HIGD1A: variants seen among roughly 807,000 people sequenced by gnomAD.
The protein encoded by HIGD1A is HIG1 hypoxia inducible domain family member 1A.
Under a neutral mutation model 11.3 loss-of-function variants are expected in HIGD1A, and 8 were observed. That is an observed-to-expected ratio of 0.71 (90% CI 0.42 to 1.28). The LOEUF is 1.28. Among genes scored for constraint, HIGD1A ranks in the 50% most tolerant of loss-of-function variants. The pLI is 0.01. For missense variants in HIGD1A, 107 were observed against 118.8 expected, an observed-to-expected ratio of 0.90 and a Z score of 0.46; for synonymous variants, 32 against 38.4, an observed-to-expected ratio of 0.83 and a Z score of 0.62.
chr3:42,801,559 ATT>A (rs896940333), intron 1 of HIGD1A, among the ~76,000 whole-genome samples: 6 of 152,334 alleles, frequency 3.9e-5, no homozygotes, highest in African/African-American at 1.2e-4. Flanking sequence ...AACTGAAAGC[ATT>A]CTTAGGTTAT....
intron 2 of HIGD1A, among the ~76,000 whole-genome samples, chr3:42,791,472 T>C (rs1306536552): frequency 2.6e-5 from 4 of 152,116 alleles, no homozygotes; most frequent in African/African-American, 9.7e-5. Flanking sequence ...GACCAATACA[T>C]ATGAAAAGAT....
At chr3:42,792,386 A>T (rs1218657773) in intron 2 of HIGD1A, among the ~76,000 whole-genome samples, 1 of 152,204 alleles carries the variant, frequency 6.6e-6, no homozygotes, top group Non-Finnish European at 1.5e-5. Context: ...TTAAAAGTGG[A>T]GTTTTGGCCG....
At position 42,789,946 on chromosome 3, in the gene HIGD1A, T is replaced by C. The variant is rs1452636991; in HGVS notation, c.98-3784A>G. Among the ~76,000 whole-genome samples the C allele has an allele frequency of 2.0e-5, 3 of 152,004 alleles. No individual in the cohort carries two copies. In the East Asian group the frequency reaches 5.8e-4, roughly 29 times the overall value. ...CTGTGTTGCCCAGGCTGTCTTGAAC[T>C]CCTAGGCTCAAGTGATCCTCCTGCC... On this transcript the variant is annotated intron_variant, in intron 2 of 3. Transcript: ENST00000321331.
chr3:42,794,774 T>G (rs547148641), intron 1 of HIGD1A, among the ~76,000 whole-genome samples: 1 of 152,334 alleles, frequency 6.6e-6, no homozygotes, highest in East Asian at 1.9e-4. Flanking sequence ...TATTCCAATG[T>G]GCTTCCTTGC....
At chr3:42,803,590 A>C (rs1700597554) in intron 1 of HIGD1A, among the ~76,000 whole-genome samples, 1 of 152,174 alleles carries the variant, frequency 6.6e-6, no homozygotes, top group Non-Finnish European at 1.5e-5. Flanking sequence ...ACCTGTTAGA[A>C]CTTTCCATCC....
chr3:42,794,363 C>T lies in HIGD1A; in HGVS notation c.-22-88G>A. 3.3e-6 allele frequency: 4 copies of T among 1,222,220 alleles called. No homozygotes were observed. In the East Asian group the frequency reaches 1.1e-4, roughly 34 times the overall value. 75.7% of individuals were successfully genotyped at this position (1,222,220 alleles called of 1,614,324 possible). On this transcript the variant is annotated intron_variant, in intron 1 of 3. Coordinates refer to ENST00000321331, the MANE Select transcript of HIGD1A (RefSeq NM_014056.4). ...ATGTATTTAAAATATTCCTAACTTC[C>T]ATGAGAATCTTAGTATATGTTATCC...
At chr3:42,792,351 T>G (rs1700430845) in intron 2 of HIGD1A, among the ~76,000 whole-genome samples, 1 of 152,196 alleles carries the variant, frequency 6.6e-6, no homozygotes, top group Non-Finnish European at 1.5e-5. Flanking sequence ...CAACAGTAAT[T>G]TATATCATAT....
chr3:42,786,007 A>C (rs1038888905), intron 3 of HIGD1A, 21 bp downstream of exon 3: 1 of 1,610,620 alleles, frequency 6.2e-7, no homozygotes, highest in Non-Finnish European at 8.5e-7. Context: ...CGAAAATTTG[A>C]AATTTCCTAT....
chr3:42,791,146 G>A (rs1272951940), intron 2 of HIGD1A, among the ~76,000 whole-genome samples: 1 of 151,950 alleles, frequency 6.6e-6, no homozygotes, highest in Non-Finnish European at 1.5e-5. Context: ...TCAAATAAGT[G>A]GAAAAAGAAT....
chr3:42,795,331 G>A (rs147225302), intron 1 of HIGD1A, among the ~76,000 whole-genome samples: 94 of 151,358 alleles, frequency 6.2e-4, no homozygotes, highest in African/African-American at 2.1e-3. Flanking sequence ...TGATTCTCCT[G>A]CCTCAGCCTC....
At chr3:42,789,601 G>A (rs999244160) in intron 2 of HIGD1A, among the ~76,000 whole-genome samples, 2 of 145,368 alleles carry the variant, frequency 1.4e-5, no homozygotes, top group African/African-American at 5.0e-5. Context: ...TAAGATTCAC[G>A]AAAGATGAAA....
chr3:42,804,237 C>A (rs776357733), intron 1 of HIGD1A, 199 bp downstream of exon 1: 2 of 1,601,900 alleles, frequency 1.2e-6, no homozygotes, highest in Admixed American at 3.4e-5. Flanking sequence ...CCCTAGGCCT[C>A]GGCTCCCGAC....
At chr3:42,785,956 A>C in intron 3 of HIGD1A, 72 bp downstream of exon 3, 93 of 1,393,598 alleles carry the variant, frequency 6.7e-5, no homozygotes, top group Non-Finnish European at 8.6e-5. Context: ...AGCTAAAAAT[A>C]TTTACCTATT....
chr3:42,792,392 G>A (rs1368418865), intron 2 of HIGD1A, among the ~76,000 whole-genome samples: 1 of 152,108 alleles, frequency 6.6e-6, no homozygotes, highest in Non-Finnish European at 1.5e-5. Context: ...GTGGAGTTTT[G>A]GCCGGGCGCG....
intron 1 of HIGD1A, among the ~76,000 whole-genome samples, chr3:42,802,638 A>C (rs1187344824): frequency 6.6e-6 from 1 of 152,256 alleles, no homozygotes; most frequent in Admixed American, 6.5e-5. Flanking sequence ...TATCAGGAAC[A>C]ATAAGTTCTA....
intron 2 of HIGD1A, among the ~76,000 whole-genome samples, chr3:42,791,167 T>C (rs1048940922): frequency 6.6e-6 from 1 of 152,160 alleles, no homozygotes; most frequent in African/African-American, 2.4e-5. Context: ...GCAAAACAGA[T>C]ACCCAAATCA....
At chr3:42,794,524 A>G (rs1452397152) in intron 1 of HIGD1A, among the ~76,000 whole-genome samples, 2 of 152,116 alleles carry the variant, frequency 1.3e-5, no homozygotes, top group Non-Finnish European at 2.9e-5. Flanking sequence ...CATTTTTAGC[A>G]CCATGTTAAT....
At chr3:42,796,316 T>A (rs1700497769) in intron 1 of HIGD1A, among the ~76,000 whole-genome samples, 1 of 152,160 alleles carries the variant, frequency 6.6e-6, no homozygotes, top group African/African-American at 2.4e-5. Context: ...AATAAACTCC[T>A]AAGTAATGAG....
In HIGD1A at chr3:42,794,243, T is replaced by C. The variant is rs1700466414; in HGVS notation, c.11A>G (p.Asp4Gly). 6.2e-7 allele frequency: 1 copy of C among 1,600,296 alleles called. No individual in the cohort carries two copies. The highest frequency in any genetic ancestry group is 8.5e-7 in the Non-Finnish European group (1 of 1,176,298). ...ATATGAAGGAAGGGAAACACCTGTGTCTGTTGACATAGTGATTGCTTGAAG... is the reference window on the plus strand; with the variant it reads ...ATATGAAGGAAGGGAAACACCTGTGCCTGTTGACATAGTGATTGCTTGAAG... MST[D>G]TGVSLPSYEE... is the part of the protein sequence containing the mutation. The change falls in exon 2 of 4, where the codon GAC (aspartate) becomes GGC (glycine). Residue 4 changes from aspartate to glycine, a missense_variant. Transcript: ENST00000321331.
Sources: gnomAD v4.1 joint callset for allele counts (sites outside exome capture counted in the v4.1 genomes callset) on GRCh38, gnomAD v4.1.1 for gene constraint, MANE v1.5 for transcripts, NCBI Gene and HGNC (gene_info 2026-07-23, HGNC 2026-07-21) for gene names.